The following SNX10 variants were observed in gnomAD, a reference collection of about 807,000 sequenced individuals.
SNX10 encodes the protein sorting nexin 10, also known as sorting nexin-10.
SNX10 carries 25 observed loss-of-function variants against 28.5 expected under a neutral mutation model. The observed-to-expected ratio is 0.88, with a 90% CI of 0.64 to 1.22. SNX10 has a LOEUF of 1.22. SNX10 is among the 50% of genes most tolerant of loss of function. SNX10 has a pLI of 0.00. For missense variants in SNX10, 223 were observed against 242.6 expected (o/e 0.92, Z 0.54); for synonymous variants, 62 against 81.4 (o/e 0.76, Z 1.28).
At chr7:26,307,202 C>G (rs1333965507) in intron 1 of SNX10, among the ~76,000 whole-genome samples, 1 of 152,154 alleles carries the variant, frequency 6.6e-6, no homozygotes, top group Non-Finnish European at 1.5e-5. Context: ...TCATCTGCAT[C>G]CCTGTATCCT....
intron 2 of SNX10, among the ~76,000 whole-genome samples, chr7:26,355,019 G>T (rs1418101442): frequency 6.6e-6 from 1 of 151,922 alleles, no homozygotes; most frequent in Admixed American, 6.6e-5. Flanking sequence ...TGTATAAGGT[G>T]CACGCTTTAG....
rs74319114 is a variant in SNX10 at position 26,304,733 on chromosome 7, C to G, written c.-24+12647C>G. On this transcript the variant is annotated intron_variant, in intron 1 of 6. Coordinates refer to ENST00000338523, the MANE Select transcript of SNX10 (RefSeq NM_013322.3). ...GAACACAAATGGGGATGGGTACTCCCTAATTCTTTGCTTTTCAGTGCATTC... is the reference window on the plus strand; with the variant it reads ...GAACACAAATGGGGATGGGTACTCCGTAATTCTTTGCTTTTCAGTGCATTC... Among the ~76,000 whole-genome samples the G allele has an allele frequency of 5.5e-3, 833 of 152,334 alleles. 25 individuals carry two copies. In the East Asian group the frequency reaches 0.093, roughly 17 times the overall value.
At chr7:26,350,449 A>G (rs1327862107) in intron 2 of SNX10, among the ~76,000 whole-genome samples, 2 of 152,150 alleles carry the variant, frequency 1.3e-5, no homozygotes, top group Admixed American at 1.3e-4. Context: ...ATGCTGACCC[A>G]TGGTAATATT....
In SNX10 at chr7:26,371,943, C is replaced by T. The variant is rs1244216902; in HGVS notation, c.434C>T (p.Ala145Val). The T allele has an allele frequency of 1.2e-6, 2 of 1,613,136 alleles. No individual in the cohort carries two copies. The highest frequency in any genetic ancestry group is 1.7e-6 in the Non-Finnish European group (2 of 1,179,478). ...CAGACTAAGTACTCTGTGGAAGAAG[C>T]AATTCACAAGTTTGCCTTAATGAAT... is the stretch of plus-strand genomic sequence containing the variant. ...SGQTKYSVEE[A>V]IHKFALMNRR... The change falls in exon 6 of 7, where the codon GCA (alanine) becomes GTA (valine). Residue 145 changes from alanine to valine, a missense_variant. Ala to Val is a moderately conservative substitution (Grantham distance 64). Coordinates refer to ENST00000338523, the MANE Select transcript of SNX10 (RefSeq NM_013322.3).
intron 2 of SNX10, among the ~76,000 whole-genome samples, chr7:26,347,413 G>C (rs1788431253): frequency 6.6e-6 from 1 of 152,170 alleles, no homozygotes; most frequent in East Asian, 1.9e-4. Flanking sequence ...GGTGGCCTGT[G>C]CCTGTGGTCC....
At chr7:26,310,526 G>A (rs1391159048) in intron 1 of SNX10, among the ~76,000 whole-genome samples, 1 of 152,194 alleles carries the variant, frequency 6.6e-6, no homozygotes, top group Middle Eastern at 3.4e-3. Flanking sequence ...TGCTTTAGTG[G>A]GTGGTTAGGG....
chr7:26,327,006 A>G (rs1335172609), intron 1 of SNX10, among the ~76,000 whole-genome samples: 4 of 148,614 alleles, frequency 2.7e-5, no homozygotes, highest in Non-Finnish European at 5.9e-5. Context: ...GCTGGAGTGC[A>G]AAGGTGTGAT....
At chr7:26,340,092 A>G (rs777330661) in intron 1 of SNX10, among the ~76,000 whole-genome samples, 14 of 150,956 alleles carry the variant, frequency 9.3e-5, no homozygotes, top group Non-Finnish European at 1.5e-4. Context: ...CACTCCTTAC[A>G]TGTATAGTCC....
intron 1 of SNX10, among the ~76,000 whole-genome samples, chr7:26,323,007 G>C (rs563231382): frequency 1.4e-4 from 22 of 152,260 alleles, no homozygotes; most frequent in African/African-American, 4.6e-4. Flanking sequence ...CAGCACTTTG[G>C]GAGTTCGAGG....
At chr7:26,323,260 A>C (rs532137703) in intron 1 of SNX10, among the ~76,000 whole-genome samples, 53 of 152,168 alleles carry the variant, frequency 3.5e-4, no homozygotes, top group African/African-American at 7.9e-4. Flanking sequence ...AAAACCAAAC[A>C]AAACAAAACA....
At chr7:26,293,573 T>C (rs1489959894) in intron 1 of SNX10, among the ~76,000 whole-genome samples, 1 of 152,194 alleles carries the variant, frequency 6.6e-6, no homozygotes, top group African/African-American at 2.4e-5. Flanking sequence ...TTAATAAAAA[T>C]ACAAAAATAA....
At chr7:26,299,186 T>C (rs1397834674) in intron 1 of SNX10, among the ~76,000 whole-genome samples, 1 of 152,100 alleles carries the variant, frequency 6.6e-6, no homozygotes, top group Non-Finnish European at 1.5e-5. Context: ...AATGGCATTA[T>C]GGAGGATTTC....
intron 1 of SNX10, among the ~76,000 whole-genome samples, chr7:26,345,384 C>A (rs2391276): frequency 0.42 from 63,058 of 151,878 alleles, 14,277 homozygotes; most frequent in South Asian, 0.61. Context: ...TTGAACACTG[C>A]GATCCCCTGC....
At chr7:26,303,098 C>T (rs377277143) in intron 1 of SNX10, among the ~76,000 whole-genome samples, 1 of 152,150 alleles carries the variant, frequency 6.6e-6, no homozygotes, top group Non-Finnish European at 1.5e-5. Context: ...AATTAGAATG[C>T]GTTAGCTTCA....
intron 1 of SNX10, among the ~76,000 whole-genome samples, chr7:26,331,167 T>C (rs1023556845): frequency 1.0e-4 from 12 of 117,348 alleles, no homozygotes; most frequent in Admixed American, 1.7e-4. Context: ...AAAAGAGAAC[T>C]AAAAAAAAAA....
chr7:26,322,010 A>G (rs1787330556), intron 1 of SNX10, among the ~76,000 whole-genome samples: 1 of 152,136 alleles, frequency 6.6e-6, no homozygotes, highest in South Asian at 2.1e-4. Context: ...TTATTCCCCA[A>G]GTCCTTACTA....
chr7:26,297,862 ATATT>A (rs1024093704), intron 1 of SNX10, among the ~76,000 whole-genome samples: 3 of 152,224 alleles, frequency 2.0e-5, no homozygotes, highest in African/African-American at 7.2e-5. Flanking sequence ...GATATTATAT[ATATT>A]ATAGATATAT....
At chr7:26,336,747 G>A (rs768072522) in intron 1 of SNX10, among the ~76,000 whole-genome samples, 8 of 152,146 alleles carry the variant, frequency 5.3e-5, no homozygotes, top group African/African-American at 7.2e-5. Context: ...GAACAGCCCC[G>A]ATCATTTAAT....
chr7:26,303,556 C>T (rs910095149), intron 1 of SNX10, among the ~76,000 whole-genome samples: 1 of 152,200 alleles, frequency 6.6e-6, no homozygotes, highest in African/African-American at 2.4e-5. Context: ...CTTTCCTCTA[C>T]TCATCTGGCC....
Sources: allele counts gnomAD v4.1 joint callset (sites outside exome capture counted in the v4.1 genomes callset), GRCh38; gene constraint gnomAD v4.1.1; transcripts MANE v1.5; gene names NCBI Gene and HGNC (gene_info 2026-07-23, HGNC 2026-07-21).